DOCK1: variants seen among roughly 807,000 people sequenced by gnomAD.
DOCK1 encodes the protein dedicator of cytokinesis 1.
DOCK1 carries 138 observed loss-of-function variants against 262.7 expected under a neutral mutation model. The ratio of observed to expected loss-of-function variants is 0.53; its 90% CI spans 0.46 to 0.61. The LOEUF is 0.61. Among genes scored for constraint, DOCK1 ranks in the 20% least tolerant of loss-of-function variants. The pLI is 0.00. For synonymous variants in DOCK1, 866 were observed against 867.4 expected, an observed-to-expected ratio of 1.00 and a Z score of 0.03; for missense variants, 1,908 against 2,370.7, an observed-to-expected ratio of 0.80 and a Z score of 4.05.
chr10:127,235,802 T>G (rs2059028057), intron 27 of DOCK1, among the ~76,000 whole-genome samples: 1 of 152,060 alleles, frequency 6.6e-6, no homozygotes, highest in Non-Finnish European at 1.5e-5. Context: ...TTTTTTTTAA[T>G]TTTAGCCATT....
rs574591907 is a variant in DOCK1, at chr10:127,140,346, G to T, written c.2847+12582G>T. 8.1e-4 allele frequency among the ~76,000 whole-genome samples: 124 copies of T among 152,252 alleles called. No individual in the cohort carries two copies. In the Middle Eastern group the frequency reaches 0.01, roughly 13 times the overall value. On this transcript the variant is annotated intron_variant, in intron 27 of 51. Transcript: ENST00000623213. ...TTTGCACTCCCCATTATGCTGCCCT[G>T]GGAATCTGCAACCAGAGGCAGGTTC...
At chr10:127,189,016 G>A (rs960906521) in intron 27 of DOCK1, among the ~76,000 whole-genome samples, 2 of 152,186 alleles carry the variant, frequency 1.3e-5, no homozygotes, top group Middle Eastern at 3.4e-3. Context: ...TCAGGTGGTC[G>A]GCTCCTAGGA....
chr10:127,276,061 T>G (rs1292453806), intron 29 of DOCK1, among the ~76,000 whole-genome samples: 1 of 152,244 alleles, frequency 6.6e-6, no homozygotes, highest in Non-Finnish European at 1.5e-5. Flanking sequence ...TAACTCATGC[T>G]AAATCATCCT....
At chr10:127,397,727 G>A (rs2066984517) in intron 38 of DOCK1, among the ~76,000 whole-genome samples, 1 of 151,196 alleles carries the variant, frequency 6.6e-6, no homozygotes, top group South Asian at 2.1e-4. Flanking sequence ...ACTCCTGTGT[G>A]ACCCGGGCAG....
chr10:127,076,271 G>T (rs1401286508), intron 23 of DOCK1, among the ~76,000 whole-genome samples: 1 of 152,206 alleles, frequency 6.6e-6, no homozygotes, highest in Non-Finnish European at 1.5e-5. Context: ...GGAGGCCGAG[G>T]TGGGCGGATC....
intron 29 of DOCK1, among the ~76,000 whole-genome samples, chr10:127,270,248 A>G (rs776787591): frequency 3.3e-5 from 5 of 152,206 alleles, no homozygotes; most frequent in African/African-American, 1.2e-4. Flanking sequence ...ACAAAACTCC[A>G]ATGAAGAAAA....
intron 10 of DOCK1, among the ~76,000 whole-genome samples, chr10:127,006,263 C>T (rs7083297): frequency 0.19 from 28,878 of 152,204 alleles, 2,830 homozygotes; most frequent in South Asian, 0.32. Flanking sequence ...CACCTCCTGC[C>T]TTCTGCTCTC....
chr10:127,273,746 G>T (rs956824717), intron 29 of DOCK1, among the ~76,000 whole-genome samples: 1 of 152,068 alleles, frequency 6.6e-6, no homozygotes, highest in Non-Finnish European at 1.5e-5. Context: ...AGCCGGGTGC[G>T]ATGGCAGGCA....
chr10:126,929,607 G>A (rs1181990432), intron 1 of DOCK1, among the ~76,000 whole-genome samples: 5 of 152,022 alleles, frequency 3.3e-5, no homozygotes, highest in African/African-American at 9.7e-5. Flanking sequence ...GCGCTACCTG[G>A]GCTCCAGCTT....
chr10:127,269,443 TCTTCTTG>T (rs1369943659), intron 29 of DOCK1, among the ~76,000 whole-genome samples: 1 of 152,250 alleles, frequency 6.6e-6, no homozygotes, highest in Non-Finnish European at 1.5e-5. Context: ...AGATTCACTC[TCTTCTTG>T]TGAGGATATT....
At position 126,970,713 on chromosome 10, in the gene DOCK1, T is replaced by C; in HGVS notation, c.58T>C (p.Tyr20His). 3 of 1,612,622 alleles carry C rather than the reference T, an allele frequency of 1.9e-6. No homozygotes were observed. The highest frequency in any genetic ancestry group is 2.5e-6 in the Non-Finnish European group (3 of 1,178,802). Residue 20 changes from tyrosine (Y) to histidine (H), a missense_variant, in exon 2 of 52, where the codon TAT becomes CAT. Tyr to His is a moderately conservative substitution (Grantham distance 83, BLOSUM62 2). This residue lies in a region of DOCK1 where 227 missense variants were observed against 254.1 expected (regional missense o/e 0.89). Coordinates refer to ENST00000623213, the MANE Select transcript of DOCK1 (RefSeq NM_001290223.2). ...EEKYGVAFYN[Y>H]DARGADELSL... The stretch of plus-strand genomic sequence containing the variant: ...TTTTTTCATCACAGCTTTTTATAAC[T>C]ATGATGCCAGAGGAGCGGATGAACT...
chr10:127,417,178 T>A (rs900695258), intron 44 of DOCK1, among the ~76,000 whole-genome samples: 3 of 152,218 alleles, frequency 2.0e-5, no homozygotes, highest in African/African-American at 7.2e-5. Flanking sequence ...TGGGGGCCCA[T>A]CACGCTTCCT....
chr10:127,154,295 C>CT (rs1360092642), intron 27 of DOCK1, among the ~76,000 whole-genome samples: 1 of 152,254 alleles, frequency 6.6e-6, no homozygotes, highest in Non-Finnish European at 1.5e-5. Flanking sequence ...TATGTTTGCT[C>CT]TACCCCACCT....
At chr10:126,955,390 G>T (rs1234080028) in intron 1 of DOCK1, among the ~76,000 whole-genome samples, 4 of 152,174 alleles carry the variant, frequency 2.6e-5, no homozygotes, top group Non-Finnish European at 5.9e-5. Flanking sequence ...CCTCCCAAAG[G>T]GCTGGGATTA....
chr10:126,944,984 G>A (rs1024855007), intron 1 of DOCK1, among the ~76,000 whole-genome samples: 10 of 152,142 alleles, frequency 6.6e-5, no homozygotes, highest in South Asian at 2.1e-4. Context: ...GATTACAGGC[G>A]TGCACCACCA....
chr10:127,384,752 T>A, intron 37 of DOCK1, 38 bp from the exon 38 acceptor site: 1 of 1,512,890 alleles, frequency 6.6e-7, no homozygotes, highest in Non-Finnish European at 8.8e-7. Flanking sequence ...CCTGGGTGTT[T>A]CCGCCTCGGG....
At chr10:127,219,790 C>T (rs1000795201) in intron 27 of DOCK1, among the ~76,000 whole-genome samples, 18 of 152,064 alleles carry the variant, frequency 1.2e-4, no homozygotes, top group African/African-American at 4.1e-4. Context: ...CATGACCCTG[C>T]CCATGGAGCT....
chr10:127,248,919 A>C (rs1319898406), intron 28 of DOCK1, among the ~76,000 whole-genome samples: 1 of 152,160 alleles, frequency 6.6e-6, no homozygotes, highest in Non-Finnish European at 1.5e-5. Flanking sequence ...CGCTATTGTG[A>C]ACTGTGCATG....
At chr10:127,318,499 C>G (rs1262176950) in intron 29 of DOCK1, among the ~76,000 whole-genome samples, 2 of 152,182 alleles carry the variant, frequency 1.3e-5, no homozygotes, top group African/African-American at 2.4e-5. Flanking sequence ...GAGGCAGCAG[C>G]ATGTGCAAGG....
Sources: gnomAD v4.1 joint callset for allele counts (sites outside exome capture counted in the v4.1 genomes callset) on GRCh38, gnomAD v4.1.1 for gene constraint, gnomAD v4.1.1 regional missense constraint, MANE v1.5 for transcripts, NCBI Gene and HGNC (gene_info 2026-07-23, HGNC 2026-07-21) for gene names.